ENKUR: variants seen among roughly 807,000 people sequenced by gnomAD.
ENKUR encodes enkurin.
In ENKUR, 19 loss-of-function variants were observed where a neutral mutation model predicts 27.6. That is an observed-to-expected ratio of 0.69 (90% CI 0.48 to 1.01). The LOEUF (loss-of-function observed/expected upper bound fraction) is 1.01, where lower values mean the gene tolerates loss of function less well. ENKUR is among the 50% of genes least tolerant of loss of function. The probability of loss-of-function intolerance (pLI) is 0.00; values close to 1 mark genes in which losing one functional copy is unlikely to be tolerated. For synonymous variants in ENKUR, 117 were observed against 96.9 expected (o/e 1.21, Z -1.22); for missense variants, 312 against 310.5 (o/e 1.00, Z -0.04).
chr10:24,998,234 C>T (rs533144639), intron 2 of ENKUR, among the ~76,000 whole-genome samples: 2 of 152,236 alleles, frequency 1.3e-5, no homozygotes, highest in African/African-American at 4.8e-5. Flanking sequence ...TGCCAGCAGA[C>T]ATAAAAAGCC....
At chr10:24,991,103 CATAA>C (rs1849918721) in intron 3 of ENKUR, among the ~76,000 whole-genome samples, 1 of 152,130 alleles carries the variant, frequency 6.6e-6, no homozygotes, top group African/African-American at 2.4e-5. Context: ...TCTCTAAATA[CATAA>C]ATAAATGGAG....
At chr10:24,984,506 C>G (rs923337075) in intron 5 of ENKUR, 130 bp from the exon 6 acceptor site, 2 of 1,248,602 alleles carry the variant, frequency 1.6e-6, no homozygotes, top group Non-Finnish European at 2.2e-6. Flanking sequence ...AACACATATT[C>G]TCAAATTTAA....
Position 24,984,677 on chromosome 10 carries a change from A to G in ENKUR, c.764+59T>C, listed in dbSNP as rs537613288. 148 of 1,481,732 alleles carry G rather than the reference A, an allele frequency of 1.0e-4. No homozygotes were observed. The African/African-American group carries it at 1.9e-3, about 19-fold the overall frequency. The allele number at this position is 1,481,732 out of a possible 1,614,324, so 91.8% of individuals were successfully genotyped here. On this transcript the variant is annotated intron_variant, in intron 5 of 5. Coordinates refer to ENST00000331161, the MANE Select transcript of ENKUR (RefSeq NM_145010.4). The stretch of plus-strand genomic sequence containing the variant: ...TTTTGAAAAACTTGGAGTTTTTTAT[A>G]TTTTCCATGTTTTTTTCCCCTACAT...
chr10:24,989,435 G>A (rs978110035), intron 4 of ENKUR, among the ~76,000 whole-genome samples: 11 of 152,110 alleles, frequency 7.2e-5, no homozygotes, highest in African/African-American at 2.4e-4. Context: ...ACATTTTCAG[G>A]CCCAGCTAAC....
chr10:25,019,521 A>G (rs966062676), upstream of ENKUR, among the ~76,000 whole-genome samples: 1 of 152,194 alleles, frequency 6.6e-6, no homozygotes, highest in Non-Finnish European at 1.5e-5. Context: ...AAATACCACA[A>G]ACAAAAAAGC....
intron 2 of ENKUR, among the ~76,000 whole-genome samples, chr10:25,058,182 A>T (rs1851281806): frequency 6.6e-6 from 1 of 150,936 alleles, no homozygotes; most frequent in Non-Finnish European, 1.5e-5. Flanking sequence ...GTCCTCTATC[A>T]CTCAATTTTT....
At chr10:25,049,877 G>A (rs10828747) in intron 2 of ENKUR, among the ~76,000 whole-genome samples, 38,398 of 151,348 alleles carry the variant, frequency 0.25, 6,034 homozygotes, top group East Asian at 0.48. Flanking sequence ...GACCATTTTT[G>A]CATTGTTATA....
Position 25,051,693 on chromosome 10 carries a change from G to A in ENKUR, c.37+9419C>T, listed in dbSNP as rs149956501. 1.4e-4 allele frequency among the ~76,000 whole-genome samples: 21 copies of A among 152,314 alleles called. No individual in the cohort carries two copies. The East Asian group carries it at 1.7e-3, about 13-fold the overall frequency. On this transcript the variant is annotated intron_variant, in intron 2 of 5. Transcript: ENST00000615958. Reference sequence around the variant, plus strand: ...TTACCTCTCACAAGGCTCCGCCTCCGGTACTGGGGATTACAATTCAAGAGG... The same window carrying A: ...TTACCTCTCACAAGGCTCCGCCTCCAGTACTGGGGATTACAATTCAAGAGG...
At chr10:24,988,524 C>A (rs1849841983) in intron 4 of ENKUR, among the ~76,000 whole-genome samples, 1 of 146,854 alleles carries the variant, frequency 6.8e-6, no homozygotes, top group Non-Finnish European at 1.5e-5. Flanking sequence ...GTGAGAGGAA[C>A]TACGGATCTA....
intron 2 of ENKUR, among the ~76,000 whole-genome samples, chr10:25,046,596 T>A (rs1851124782): frequency 6.6e-6 from 1 of 152,194 alleles, no homozygotes; most frequent in Non-Finnish European, 1.5e-5. Context: ...TGTTTCTTCA[T>A]CTAGAACATA....
chr10:25,047,568 A>G (rs1270496603), intron 2 of ENKUR, among the ~76,000 whole-genome samples: 1 of 152,202 alleles, frequency 6.6e-6, no homozygotes, highest in East Asian at 1.9e-4. Flanking sequence ...TGCCTTAACA[A>G]AGCAGTATCA....
chr10:25,025,344 TTTA>T (rs1408321936), intron 2 of ENKUR: 10 of 1,614,204 alleles, frequency 6.2e-6, no homozygotes, highest in Non-Finnish European at 8.5e-6. Flanking sequence ...TGCATGAGGC[TTTA>T]TTAGAGAGAA....
intron 1 of ENKUR, among the ~76,000 whole-genome samples, chr10:25,014,056 A>G (rs960364350): frequency 6.6e-6 from 1 of 152,132 alleles, no homozygotes; most frequent in Non-Finnish European, 1.5e-5. Flanking sequence ...CTTCCCATTG[A>G]CTCTGAGGCT....
chr10:25,023,314 C>G, intron 2 of ENKUR: 1 of 1,614,076 alleles, frequency 6.2e-7, no homozygotes, highest in Non-Finnish European at 8.5e-7. Flanking sequence ...ACATGCACAG[C>G]GATTTCTTTC....
intron 1 of ENKUR, among the ~76,000 whole-genome samples, chr10:25,009,560 G>A (rs1850391824): frequency 2.6e-5 from 4 of 152,210 alleles, no homozygotes; most frequent in African/African-American, 7.2e-5. Flanking sequence ...ACACTCAAAA[G>A]TATTGCTATC....
At chr10:25,047,581 A>T (rs1210056169) in intron 2 of ENKUR, among the ~76,000 whole-genome samples, 2 of 152,186 alleles carry the variant, frequency 1.3e-5, no homozygotes, top group African/African-American at 4.8e-5. Context: ...CAGTATCAAC[A>T]ATTAGAAACA....
chr10:25,024,959 T>TGGCTAATAAAGATGGAC lies in ENKUR; in HGVS notation c.38-29107_38-29091dup, dbSNP rs746849747. On this transcript the variant is annotated intron_variant, in intron 2 of 5. Coordinates refer to the ENKUR transcript ENST00000615958. ...AACCTAGAACGACATTTACACTTGA[T>TGGCTAATAAAGATGGAC]GGCTAATAAAGATGGACAGCTAATG... 7 of 1,614,050 alleles carry TGGCTAATAAAGATGGAC rather than the reference T, an allele frequency of 4.3e-6. No individual in the cohort carries two copies. In the African/African-American group the frequency reaches 8.0e-5, roughly 18 times the overall value.
intron 4 of ENKUR, among the ~76,000 whole-genome samples, chr10:24,986,146 C>T (rs994833713): frequency 6.6e-6 from 1 of 152,220 alleles, no homozygotes; most frequent in Non-Finnish European, 1.5e-5. Context: ...TATGGCCATA[C>T]ATTTAGGTGT....
At chr10:24,999,371 A>G in intron 2 of ENKUR, 30 bp downstream of exon 2, 1 of 1,567,012 alleles carries the variant, frequency 6.4e-7, no homozygotes. Context: ...AATGCTTTTA[A>G]TATTAAAAAT....
Sources: gnomAD v4.1 joint callset for allele counts (sites outside exome capture counted in the v4.1 genomes callset) on GRCh38, gnomAD v4.1.1 for gene constraint, MANE v1.5 for transcripts, NCBI Gene and HGNC (gene_info 2026-07-23, HGNC 2026-07-21) for gene names.